SGCZ: variants seen among roughly 807,000 people sequenced by gnomAD.
The protein encoded by SGCZ is sarcoglycan zeta, also known as zeta-sarcoglycan.
Under a neutral mutation model 41.3 loss-of-function variants are expected in SGCZ, and 40 were observed. The observed-to-expected ratio is 0.97, with a 90% CI of 0.75 to 1.26. The LOEUF (loss-of-function observed/expected upper bound fraction) is 1.26. SGCZ is among the 50% of genes most tolerant of loss of function. SGCZ has a pLI of 0.00. For synonymous variants in SGCZ, 206 were observed against 137.5 expected, an observed-to-expected ratio of 1.50 and a Z score of -3.49; for missense variants, 552 against 369.8, an observed-to-expected ratio of 1.49 and a Z score of -4.04.
intron 1 of SGCZ, among the ~76,000 whole-genome samples, chr8:14,843,776 A>G (rs1803005622): frequency 6.6e-6 from 1 of 152,058 alleles, no homozygotes; most frequent in South Asian, 2.1e-4. Context: ...TATAGATAGC[A>G]CTTTTAACTC....
At chr8:14,167,276 G>C (rs989930906) in intron 4 of SGCZ, among the ~76,000 whole-genome samples, 1 of 152,080 alleles carries the variant, frequency 6.6e-6, no homozygotes, top group Non-Finnish European at 1.5e-5. Flanking sequence ...CTCTAAGATA[G>C]GTCAAGGCAG....
intron 4 of SGCZ, among the ~76,000 whole-genome samples, chr8:14,194,877 A>C (rs972852673): frequency 5.9e-5 from 9 of 152,124 alleles, no homozygotes; most frequent in African/African-American, 2.2e-4. Flanking sequence ...CTTGAATCAT[A>C]ATTCATAATG....
At chr8:14,600,187 T>C (rs2117309796) in intron 1 of SGCZ, among the ~76,000 whole-genome samples, 1 of 152,312 alleles carries the variant, frequency 6.6e-6, no homozygotes, top group Non-Finnish European at 1.5e-5. Flanking sequence ...TTGGATCTTA[T>C]TCTGCCTCCC....
intron 1 of SGCZ, among the ~76,000 whole-genome samples, chr8:14,590,990 A>T (rs1160071660): frequency 6.6e-6 from 1 of 151,122 alleles, no homozygotes; most frequent in South Asian, 2.1e-4. Flanking sequence ...TTTATGTAAC[A>T]CTTTTCACAA....
chr8:14,892,768 C>G (rs1194190896), intron 1 of SGCZ, among the ~76,000 whole-genome samples: 1 of 152,086 alleles, frequency 6.6e-6, no homozygotes, highest in African/African-American at 2.4e-5. Flanking sequence ...TAATTAATTT[C>G]CATGTATCAC....
intron 1 of SGCZ, among the ~76,000 whole-genome samples, chr8:15,032,119 G>T (rs1257649000): frequency 1.3e-5 from 2 of 151,954 alleles, no homozygotes; most frequent in African/African-American, 2.4e-5. Flanking sequence ...ATATACAATA[G>T]CATATATTTG....
At chr8:14,193,024 T>C (rs577473833) in intron 4 of SGCZ, among the ~76,000 whole-genome samples, 8 of 151,990 alleles carry the variant, frequency 5.3e-5, no homozygotes, top group African/African-American at 1.7e-4. Flanking sequence ...TATGGTTATA[T>C]TGGCAGAATG....
intron 3 of SGCZ, among the ~76,000 whole-genome samples, chr8:14,313,741 T>G (rs1004112183): frequency 6.6e-6 from 1 of 152,208 alleles, no homozygotes; most frequent in African/African-American, 2.4e-5. Flanking sequence ...CTTTTCTTAA[T>G]ATTTCCCTGT....
intron 3 of SGCZ, among the ~76,000 whole-genome samples, chr8:14,239,763 G>A (rs1269912897): frequency 1.4e-4 from 21 of 149,784 alleles, no homozygotes; most frequent in Non-Finnish European, 3.0e-4. Context: ...TTAGCCGGGC[G>A]TAGTGGCGGG....
chr8:14,966,509 G>C (rs567526036), intron 1 of SGCZ, among the ~76,000 whole-genome samples: 13 of 152,012 alleles, frequency 8.6e-5, no homozygotes, highest in Non-Finnish European at 1.8e-4. Flanking sequence ...ACAAAGTCCA[G>C]GTATTAATTA....
intron 2 of SGCZ, among the ~76,000 whole-genome samples, chr8:14,333,244 T>C (rs532489356): frequency 6.7e-4 from 102 of 152,116 alleles, no homozygotes; most frequent in African/African-American, 2.3e-3. Context: ...AAGAATACTA[T>C]ATCGAAAAGC....
At chr8:14,214,484 A>G (rs1805923250) in intron 4 of SGCZ, among the ~76,000 whole-genome samples, 1 of 152,128 alleles carries the variant, frequency 6.6e-6, no homozygotes, top group Non-Finnish European at 1.5e-5. Context: ...CCAATATAAA[A>G]TGTTAATCAT....
At chr8:14,880,232 G>A (rs369924997) in intron 1 of SGCZ, among the ~76,000 whole-genome samples, 16 of 152,248 alleles carry the variant, frequency 1.1e-4, no homozygotes, top group Admixed American at 7.9e-4. Context: ...TCAGAGAAAT[G>A]CAAATCAAAA....
In SGCZ at chr8:14,551,560, T is replaced by TA. The variant is rs1803850732; in HGVS notation, c.234+3171dup. Reference sequence around the variant, plus strand: ...TATATATAATATATATAATATATATTATATATATAATATATATATAATATA... The same window carrying TA: ...TATATATAATATATATAATATATATTAATATATATAATATATATATAATATA... On this transcript the variant is annotated intron_variant, in intron 2 of 7. Transcript: ENST00000382080. 9.8e-4 allele frequency among the ~76,000 whole-genome samples: 19 copies of TA among 19,328 alleles called. 1 individual carries two copies. Among genetic ancestry groups the TA allele is most frequent in the African/African-American group, 5.2e-3 (16 of 3,054 alleles). 12.7% of individuals were successfully genotyped at this position (19,328 alleles called of 152,430 possible).
intron 1 of SGCZ, among the ~76,000 whole-genome samples, chr8:14,555,398 G>A (rs916762537): frequency 6.6e-6 from 1 of 151,914 alleles, no homozygotes; most frequent in African/African-American, 2.4e-5. Flanking sequence ...TGGTAATAGA[G>A]TTCTCATGGG....
chr8:15,178,847 T>C (rs1800075168), intron 1 of SGCZ, among the ~76,000 whole-genome samples: 1 of 152,202 alleles, frequency 6.6e-6, no homozygotes, highest in Non-Finnish European at 1.5e-5. Context: ...AAACTGTATT[T>C]TACCCTAGGA....
chr8:14,929,403 T>G (rs1456358354), intron 1 of SGCZ, among the ~76,000 whole-genome samples: 1 of 152,144 alleles, frequency 6.6e-6, no homozygotes, highest in African/African-American at 2.4e-5. Context: ...ACTATGACAG[T>G]TTAAGTGCCA....
At chr8:14,613,712 G>T (rs73194127) in intron 1 of SGCZ, among the ~76,000 whole-genome samples, 25,919 of 148,460 alleles carry the variant, frequency 0.17, 2,310 homozygotes, top group Non-Finnish European at 0.21. Flanking sequence ...GGAATCATCT[G>T]CAAATTCCAA....
At chr8:14,765,268 T>C (rs1800004301) in intron 1 of SGCZ, among the ~76,000 whole-genome samples, 1 of 152,164 alleles carries the variant, frequency 6.6e-6, no homozygotes, top group Non-Finnish European at 1.5e-5. Context: ...GAAATATATT[T>C]AATAACCTTT....
Sources: gnomAD v4.1 joint callset for allele counts (sites outside exome capture counted in the v4.1 genomes callset) on GRCh38, gnomAD v4.1.1 for gene constraint, MANE v1.5 for transcripts, NCBI Gene and HGNC (gene_info 2026-07-23, HGNC 2026-07-21) for gene names.